The following LILRB3 variants were observed in gnomAD, a reference collection of about 807,000 sequenced individuals.
LILRB3 encodes the protein leukocyte immunoglobulin like receptor B3, also known as leukocyte immunoglobulin-like receptor subfamily B member 3.
In LILRB3, 32 loss-of-function variants were observed where a neutral mutation model predicts 68.2. The ratio of observed to expected loss-of-function variants is 0.47; its 90% CI spans 0.35 to 0.63. LILRB3 has a LOEUF of 0.63. Among genes scored for constraint, LILRB3 ranks in the 30% least tolerant of loss-of-function variants. The pLI is 0.00. For missense variants in LILRB3, 502 were observed against 791.3 expected (o/e 0.63, Z 4.39); for synonymous variants, 185 against 323.1 (o/e 0.57, Z 4.58).
At chr19:54,218,507 T>C (rs2077717689) in intron 10 of LILRB3, 94 bp from the exon 11 acceptor site, 1 of 1,603,562 alleles carries the variant, frequency 6.2e-7, no homozygotes, top group Admixed American at 1.7e-5. Flanking sequence ...GGCCACCGAA[T>C]GCAGGGAGGT....
chr19:54,217,337 G>A (rs1471056907), exon 12 of LILRB3: 1 of 1,585,560 alleles, frequency 6.3e-7, no homozygotes, highest in South Asian at 1.1e-5. Flanking sequence ...CCATCTGCCT[G>A]TCCTCTTCCA....
intron 1 of LILRB3, 22 bp from the exon 2 acceptor site, chr19:54,222,804 G>A: frequency 6.2e-7 from 1 of 1,612,656 alleles, no homozygotes; most frequent in Non-Finnish European, 8.5e-7. Context: ...TTCCCTGTGA[G>A]GCATTTGCCC....
chr19:54,216,620 T>G, exon 13 of LILRB3: 2 of 1,014,568 alleles, frequency 2.0e-6, no homozygotes, highest in Non-Finnish European at 2.4e-6. Context: ...TATTTATGCT[T>G]CTTAATTTTC....
intron 10 of LILRB3, 89 bp from the exon 11 acceptor site, chr19:54,218,502 C>T: frequency 1.2e-6 from 2 of 1,604,290 alleles, no homozygotes; most frequent in Non-Finnish European, 8.5e-7. Flanking sequence ...GATGGGGCCA[C>T]CGAATGCAGG....
At chr19:54,217,271 G>T (rs373516063) in intron 12 of LILRB3, 32 bp from the exon 13 acceptor site, 7 of 1,599,442 alleles carry the variant, frequency 4.4e-6, no homozygotes, top group African/African-American at 3.0e-5. Flanking sequence ...GGTAAGGAAC[G>T]TGGTGGGGGT....
intron 7 of LILRB3, chr19:54,219,723 T>A (rs1297722767): frequency 2.6e-5 from 38 of 1,476,914 alleles, no homozygotes; most frequent in Non-Finnish European, 3.2e-5. Flanking sequence ...CACAGGCCTC[T>A]CTCCTTTACA....
chr19:54,217,623 C>T, intron 11 of LILRB3, 149 bp from the exon 12 acceptor site: 1 of 1,127,950 alleles, frequency 8.9e-7, no homozygotes. Flanking sequence ...GGTCTGGCCG[C>T]TCCCTCCCTG....
intron 10 of LILRB3, 31 bp downstream of exon 10, chr19:54,218,614 C>T (rs1487961532): frequency 3.7e-6 from 6 of 1,614,032 alleles, no homozygotes; most frequent in Admixed American, 1.7e-5. Context: ...GTCTCTCCAG[C>T]ACCCCCATTT....
At chr19:54,217,414 T>C in exon 12 of LILRB3, 1 of 1,608,074 alleles carries the variant, frequency 6.2e-7, no homozygotes, top group Non-Finnish European at 8.5e-7. Context: ...ATTTCTCTCC[T>C]AGGACTGGAG....
chr19:54,218,109 G>A (rs1380504002), intron 11 of LILRB3, among the ~76,000 whole-genome samples: 1 of 151,002 alleles, frequency 6.6e-6, no homozygotes, highest in African/African-American at 2.5e-5. Flanking sequence ...TCCTCCTGAG[G>A]CCTGGGGAGA....
At chr19:54,216,893 CTG>C in exon 13 of LILRB3, 1 of 1,436,342 alleles carries the variant, frequency 7.0e-7, no homozygotes, top group Non-Finnish European at 9.1e-7. Context: ...GTTGAGAAGT[CTG>C]TTGCTTTATT....
exon 13 of LILRB3, chr19:54,216,631 C>T (rs1469316387): frequency 3.9e-6 from 4 of 1,014,814 alleles, no homozygotes; most frequent in Admixed American, 5.1e-5. Context: ...CTTAATTTTC[C>T]CATGTCATAA....
exon 13 of LILRB3, chr19:54,216,458 C>T (rs542221695): frequency 2.8e-4 from 58 of 210,562 alleles, no homozygotes; most frequent in South Asian, 2.5e-3. Flanking sequence ...TATAGGCACT[C>T]GCCACCACGC....
intron 4 of LILRB3, 74 bp downstream of exon 4, chr19:54,221,754 C>G (rs564874254): frequency 1.3e-6 from 2 of 1,595,628 alleles, no homozygotes; most frequent in East Asian, 4.6e-5. Flanking sequence ...TTTCCAGATT[C>G]AGTCACCAGC....
rs970485005 is a variant in LILRB3 at position 54,219,312 on chromosome 19, G to A, written c.1310-67C>T. ...GTGAGCACCTACTGTGTGCAGGCGC[G>A]AGCCAGGTCTTTCCTTCGTGACCTC... is the stretch of plus-strand genomic sequence containing the variant. On this transcript the variant is annotated intron_variant, in intron 7 of 12. Coordinates refer to ENST00000445347, the Ensembl canonical transcript of LILRB3. 8 of 1,505,300 alleles carry A rather than the reference G, an allele frequency of 5.3e-6. No individual in the cohort carries two copies. In the South Asian group the frequency reaches 7.8e-5, roughly 15 times the overall value. 93.2% of individuals were successfully genotyped at this position (1,505,300 alleles called of 1,614,324 possible).
chr19:54,218,618 C>G (rs1001012017), intron 10 of LILRB3, 27 bp downstream of exon 10: 1 of 1,614,150 alleles, frequency 6.2e-7, no homozygotes, highest in Non-Finnish European at 8.5e-7. Flanking sequence ...CTCCAGCACC[C>G]CCATTTGTCC....
At chr19:54,217,394 A>G (rs779760710) in exon 12 of LILRB3, 2 of 1,600,252 alleles carry the variant, frequency 1.2e-6, no homozygotes, top group Non-Finnish European at 8.5e-7. Flanking sequence ...GTGAGGAGGG[A>G]GGAGAGGCCA....
intron 11 of LILRB3, among the ~76,000 whole-genome samples, chr19:54,217,891 A>T (rs1312125661): frequency 5.3e-5 from 8 of 151,724 alleles, no homozygotes; most frequent in Non-Finnish European, 8.8e-5. Context: ...TATGTTCCTT[A>T]CAGCACGTTG....
chr19:54,222,837 C>T, intron 1 of LILRB3, 55 bp from the exon 2 acceptor site: 2 of 1,612,592 alleles, frequency 1.2e-6, no homozygotes, highest in Non-Finnish European at 1.7e-6. Context: ...AGGTCCCCGC[C>T]CGGGTGCCTC....
Sources: gnomAD v4.1 joint callset for allele counts (sites outside exome capture counted in the v4.1 genomes callset) on GRCh38, gnomAD v4.1.1 for gene constraint, MANE v1.5 for transcripts, NCBI Gene and HGNC (gene_info 2026-07-23, HGNC 2026-07-21) for gene names.